The following PPP2R5E variants were observed in gnomAD, a reference collection of about 807,000 sequenced individuals.
PPP2R5E encodes serine/threonine-protein phosphatase 2A 56 kDa regulatory subunit epsilon isoform.
A neutral mutation model predicts 65.3 loss-of-function variants in PPP2R5E; 4 were observed. The ratio of observed to expected loss-of-function variants is 0.06; its 90% CI spans 0.03 to 0.14. PPP2R5E has a LOEUF of 0.14. Ranked by LOEUF, PPP2R5E falls within the 10% of genes least tolerant of loss-of-function variation. The pLI, the probability that PPP2R5E is intolerant of heterozygous loss-of-function variation, is 1.00. For missense variants in PPP2R5E, 274 were observed against 556.1 expected, an observed-to-expected ratio of 0.49 and a Z score of 5.10; for synonymous variants, 183 against 187.4, an observed-to-expected ratio of 0.98 and a Z score of 0.19.
chr14:63,382,157 C>T lies in PPP2R5E; in HGVS notation c.1203G>A (p.Pro401=). The T allele has an allele frequency of 1.2e-6, 2 of 1,611,700 alleles. No homozygotes were observed. The highest frequency in any genetic ancestry group is 2.2e-5 in the East Asian group (1 of 44,848). ...CATTGTACACCAACGCCACAATAGC[C>T]CTGGAAAGCACAGAAAAAAAGGAGT... ...LYRISKEHWN[P]AIVALVYNVL... Residue 401 remains proline, a splice_region_variant and synonymous_variant, in exon 13 of 14, where the codon CCG becomes CCA. Transcript: ENST00000337537.
At chr14:63,404,275 T>C (rs1222730751) in intron 5 of PPP2R5E, among the ~76,000 whole-genome samples, 3 of 152,202 alleles carry the variant, frequency 2.0e-5, no homozygotes, top group East Asian at 1.9e-4. Flanking sequence ...CCCTATTCCA[T>C]GTAAAGTAAG....
At chr14:63,497,180 T>G (rs1353958195) in intron 2 of PPP2R5E, among the ~76,000 whole-genome samples, 1 of 152,166 alleles carries the variant, frequency 6.6e-6, no homozygotes, top group African/African-American at 2.4e-5. Flanking sequence ...AATACCTATA[T>G]GATACCATTT....
rs1225372034 is a variant in PPP2R5E at position 63,434,408 on chromosome 14, G to A, written c.355-12314C>T. 4.6e-5 allele frequency among the ~76,000 whole-genome samples: 7 copies of A among 152,150 alleles called. No individual in the cohort carries two copies. In the East Asian group the frequency reaches 1.3e-3, roughly 29 times the overall value. On this transcript the variant is annotated intron_variant, in intron 3 of 13. Transcript: ENST00000337537. The stretch of plus-strand genomic sequence containing the variant: ...AGCATGTTCAGGATCTGGGAATACT[G>A]AATGCAAAATTCAAATGAACGCCTC...
chr14:63,496,588 A>G (rs150593947), intron 2 of PPP2R5E, among the ~76,000 whole-genome samples: 1 of 152,274 alleles, frequency 6.6e-6, no homozygotes, highest in African/African-American at 2.4e-5. Flanking sequence ...AAATAGTTCA[A>G]TTTAGAACAT....
At chr14:63,400,286 A>G (rs1885670884) in intron 5 of PPP2R5E, among the ~76,000 whole-genome samples, 1 of 152,230 alleles carries the variant, frequency 6.6e-6, no homozygotes, top group African/African-American at 2.4e-5. Flanking sequence ...AATAAACAGC[A>G]TGTTAAGTAG....
At chr14:63,515,833 T>C (rs1892649823) in intron 2 of PPP2R5E, among the ~76,000 whole-genome samples, 1 of 150,586 alleles carries the variant, frequency 6.6e-6, no homozygotes, top group South Asian at 2.1e-4. Context: ...TCACTTATTT[T>C]CTTTTATTTT....
intron 13 of PPP2R5E, among the ~76,000 whole-genome samples, chr14:63,381,298 T>C (rs1884342198): frequency 6.6e-6 from 1 of 152,222 alleles, no homozygotes; most frequent in African/African-American, 2.4e-5. Flanking sequence ...AATAAATTTG[T>C]TGGGTTCTAG....
chr14:63,457,572 T>A (rs1414206302), intron 2 of PPP2R5E, among the ~76,000 whole-genome samples: 11 of 152,164 alleles, frequency 7.2e-5, no homozygotes, highest in Non-Finnish European at 1.6e-4. Flanking sequence ...AAGGTCATCT[T>A]AGAATCCCAA....
chr14:63,530,104 A>G (rs1187216641), intron 2 of PPP2R5E, among the ~76,000 whole-genome samples: 1 of 152,170 alleles, frequency 6.6e-6, no homozygotes, highest in Non-Finnish European at 1.5e-5. Flanking sequence ...TCCTCCAAAA[A>G]AGAATGCACA....
chr14:63,486,035 G>T (rs1890977687), intron 2 of PPP2R5E, among the ~76,000 whole-genome samples: 1 of 151,486 alleles, frequency 6.6e-6, no homozygotes, highest in Non-Finnish European at 1.5e-5. Context: ...TCACCATGTT[G>T]GCCAGGCTGG....
chr14:63,446,686 G>A (rs1486796635), intron 3 of PPP2R5E, among the ~76,000 whole-genome samples: 1 of 151,896 alleles, frequency 6.6e-6, no homozygotes, highest in Non-Finnish European at 1.5e-5. Context: ...AAAATTATCT[G>A]GGCGCAGTGG....
intron 1 of PPP2R5E, among the ~76,000 whole-genome samples, chr14:63,541,911 A>G (rs974705659): frequency 2.6e-5 from 4 of 152,252 alleles, no homozygotes; most frequent in Non-Finnish European, 5.9e-5. Flanking sequence ...ATGAATGACT[A>G]TAGATGTTAA....
intron 5 of PPP2R5E, among the ~76,000 whole-genome samples, chr14:63,408,450 G>A (rs112997244): frequency 2.0e-4 from 30 of 152,070 alleles, no homozygotes; most frequent in Middle Eastern, 3.4e-3. Flanking sequence ...TTTATGGCAC[G>A]CTCAGCAGGG....
chr14:63,479,648 AC>A (rs1566733361), intron 2 of PPP2R5E, among the ~76,000 whole-genome samples: 1 of 152,224 alleles, frequency 6.6e-6, no homozygotes, highest in Non-Finnish European at 1.5e-5. Context: ...CTAACACCAT[AC>A]TGACAACAAA....
At chr14:63,470,932 T>TA (rs1427720997) in intron 2 of PPP2R5E, among the ~76,000 whole-genome samples, 3 of 152,140 alleles carry the variant, frequency 2.0e-5, no homozygotes. Context: ...TGCACCCTGA[T>TA]ATTACAAAGG....
intron 2 of PPP2R5E, among the ~76,000 whole-genome samples, chr14:63,537,723 T>C (rs1433392262): frequency 6.6e-6 from 1 of 152,170 alleles, no homozygotes; most frequent in South Asian, 2.1e-4. Context: ...GAAATAAGTC[T>C]GCAATAATGA....
At chr14:63,499,728 G>GAAA (rs751292294) in intron 2 of PPP2R5E, among the ~76,000 whole-genome samples, 6 of 128,196 alleles carry the variant, frequency 4.7e-5, no homozygotes, top group African/African-American at 1.7e-4. Context: ...TTCTATCTCA[G>GAAA]AAAAAAAAAA....
At chr14:63,485,246 G>A (rs1467506152) in intron 2 of PPP2R5E, among the ~76,000 whole-genome samples, 1 of 147,826 alleles carries the variant, frequency 6.8e-6, no homozygotes, top group Non-Finnish European at 1.5e-5. Flanking sequence ...ATTAAGATAT[G>A]TGAATACCCT....
chr14:63,467,308 T>A (rs1440052975), intron 2 of PPP2R5E, among the ~76,000 whole-genome samples: 1 of 151,774 alleles, frequency 6.6e-6, no homozygotes, highest in Non-Finnish European at 1.5e-5. Flanking sequence ...AAAACATCCG[T>A]CTCCAAGGGT....
Sources: allele counts gnomAD v4.1 joint callset (sites outside exome capture counted in the v4.1 genomes callset), GRCh38; gene constraint gnomAD v4.1.1; transcripts MANE v1.5; gene names NCBI Gene and HGNC (gene_info 2026-07-23, HGNC 2026-07-21).